Variants in EDNRB observed in about 807,000 individuals in gnomAD.
EDNRB encodes Hirschsprung disease 2.
Under a neutral mutation model 46.4 loss-of-function variants are expected in EDNRB, and 18 were observed. The observed-to-expected ratio is 0.39, with a 90% CI of 0.27 to 0.57. The LOEUF (loss-of-function observed/expected upper bound fraction) is 0.57, where lower values mean the gene tolerates loss of function less well. Among genes scored for constraint, EDNRB ranks in the 20% least tolerant of loss-of-function variants. The pLI is 0.61. For missense variants in EDNRB, 434 were observed against 537.5 expected (o/e 0.81, Z 1.90); for synonymous variants, 213 against 204.9 (o/e 1.04, Z -0.34).
At chr13:77,946,180 T>C (rs149414485) in intron 1 of EDNRB, among the ~76,000 whole-genome samples, 1 of 152,338 alleles carries the variant, frequency 6.6e-6, no homozygotes, top group African/African-American at 2.4e-5. Context: ...CACACCTGTT[T>C]CTCTATAGAA....
At chr13:77,916,135 TG>T (rs1382323932) in intron 1 of EDNRB, among the ~76,000 whole-genome samples, 4 of 152,194 alleles carry the variant, frequency 2.6e-5, no homozygotes, top group African/African-American at 9.7e-5. Context: ...GGTTTCTAAC[TG>T]GGCTGGACAT....
chr13:77,931,162 T>A (rs1301725583), intron 1 of EDNRB, among the ~76,000 whole-genome samples: 1 of 152,198 alleles, frequency 6.6e-6, no homozygotes, highest in Non-Finnish European at 1.5e-5. Context: ...TCTATTTTTT[T>A]AATAATACAT....
At position 77,918,045 on chromosome 13, in the gene EDNRB, G is replaced by C. The variant is rs1879896728; in HGVS notation, c.483+46C>G. The C allele has an allele frequency of 6.2e-7, 1 of 1,612,868 alleles. No individual in the cohort carries two copies. Among genetic ancestry groups the C allele is most frequent in the South Asian group, 1.1e-5 (1 of 90,982 alleles). The stretch of plus-strand genomic sequence containing the variant: ...TTTCTCATCTCCCCGTCTCCAACCA[G>C]GCCCCCTTCCTCAAGCCCACCATGA... On this transcript the variant is annotated intron_variant, in intron 1 of 6. Coordinates refer to ENST00000646607, the MANE Select transcript of EDNRB (RefSeq NM_001122659.3). This position sits in a 1 kb window ranked among gnomAD's most constrained non-coding sequence, Gnocchi z 4.5.
At chr13:77,945,195 AC>A (rs1880870235) in intron 1 of EDNRB, among the ~76,000 whole-genome samples, 1 of 152,154 alleles carries the variant, frequency 6.6e-6, no homozygotes, top group Non-Finnish European at 1.5e-5. Flanking sequence ...ATGTTTTGGT[AC>A]TGCTGATTTT....
At chr13:77,906,526 C>T (rs1879289168) in intron 1 of EDNRB, among the ~76,000 whole-genome samples, 1 of 152,024 alleles carries the variant, frequency 6.6e-6, no homozygotes, top group African/African-American at 2.4e-5. Context: ...CTTCCTCTCT[C>T]TTGGAACACT....
chr13:77,929,078 T>C (rs1042480621), intron 1 of EDNRB, among the ~76,000 whole-genome samples: 1 of 152,200 alleles, frequency 6.6e-6, no homozygotes, highest in Non-Finnish European at 1.5e-5. Flanking sequence ...GGTTAGTGAT[T>C]CATTTCCTGT....
At chr13:77,954,188 T>G (rs1443049038) in intron 1 of EDNRB, among the ~76,000 whole-genome samples, 1 of 152,186 alleles carries the variant, frequency 6.6e-6, no homozygotes, top group Non-Finnish European at 1.5e-5. Context: ...ATAAGACCTT[T>G]TGTTAGTCAT....
chr13:77,935,627 C>T (rs1163619228), intron 1 of EDNRB, among the ~76,000 whole-genome samples: 1 of 152,058 alleles, frequency 6.6e-6, no homozygotes, highest in African/African-American at 2.4e-5. Context: ...AGAATTACGC[C>T]AAAACAGGTA....
intron 1 of EDNRB, among the ~76,000 whole-genome samples, chr13:77,908,420 T>A (rs1879399017): frequency 2.0e-5 from 1 of 51,264 alleles, no homozygotes; most frequent in African/African-American, 6.9e-5. Flanking sequence ...AACTATGAAG[T>A]TTTGCCAAAA....
Position 77,898,079 on chromosome 13 carries a change from T to C in EDNRB, c.*121A>G. 2 of 1,496,864 alleles carry C rather than the reference T, an allele frequency of 1.3e-6. No individual in the cohort carries two copies. The highest frequency in any genetic ancestry group is 2.2e-4 in the Middle Eastern group (1 of 4,452). The allele number at this position is 1,496,864 out of a possible 1,614,324, so 92.7% of individuals were successfully genotyped here. On this transcript the variant is annotated 3_prime_UTR_variant, in exon 7 of 7. Transcript: ENST00000646607. ...TGAGTGTTAAAATAATTACACTTAA[T>C]ATTTTAATAGTGTGCTGTGCAAATA...
chr13:77,973,112 T>C (rs544199377), intron 1 of EDNRB, among the ~76,000 whole-genome samples: 1 of 152,302 alleles, frequency 6.6e-6, no homozygotes, highest in African/African-American at 2.4e-5. Context: ...TTTTAAGAAA[T>C]TGACCATTTG....
chr13:77,935,880 C>T (rs1479301630), intron 1 of EDNRB, among the ~76,000 whole-genome samples: 1 of 152,068 alleles, frequency 6.6e-6, no homozygotes, highest in Non-Finnish European at 1.5e-5. Flanking sequence ...GGTTTGGCAC[C>T]ATGGGGTGGA....
chr13:77,961,156 T>G (rs1881398578), intron 1 of EDNRB, among the ~76,000 whole-genome samples: 2 of 152,170 alleles, frequency 1.3e-5, no homozygotes, highest in South Asian at 4.1e-4. Context: ...TTAACAAGGA[T>G]ACCCAGGAAT....
At chr13:77,969,186 A>C (rs1881659715) in intron 1 of EDNRB, among the ~76,000 whole-genome samples, 1 of 152,204 alleles carries the variant, frequency 6.6e-6, no homozygotes, top group Non-Finnish European at 1.5e-5. Flanking sequence ...ATTAAATTTT[A>C]TTAAGCATTT....
upstream of EDNRB, chr13:77,919,577 C>A (rs138247915): frequency 1.4e-3 from 2,217 of 1,611,842 alleles, 24 homozygotes; most frequent in African/African-American, 0.026. Flanking sequence ...ACCGTTTGCT[C>A]GGGGTCTCTG....
chr13:77,904,360 C>T (rs1879166287), intron 1 of EDNRB, among the ~76,000 whole-genome samples: 1 of 152,074 alleles, frequency 6.6e-6, no homozygotes, highest in African/African-American at 2.4e-5. Context: ...CATAGTCTAT[C>T]AATTCCTGTG....
At chr13:77,950,928 G>A (rs1881072951) in intron 1 of EDNRB, among the ~76,000 whole-genome samples, 1 of 152,186 alleles carries the variant, frequency 6.6e-6, no homozygotes, top group Non-Finnish European at 1.5e-5. Context: ...TGAAAGAAAA[G>A]TTCCAAACCT....
At chr13:77,964,127 G>C (rs1044820142) in intron 1 of EDNRB, among the ~76,000 whole-genome samples, 2 of 152,186 alleles carry the variant, frequency 1.3e-5, no homozygotes, top group Non-Finnish European at 2.9e-5. Flanking sequence ...AACAACAGGT[G>C]CTGGAGAGGA....
At chr13:77,920,305 ACC>A (rs1377426437), upstream of EDNRB, among the ~76,000 whole-genome samples, 3 of 152,198 alleles carry the variant, frequency 2.0e-5, no homozygotes, top group Non-Finnish European at 4.4e-5. Flanking sequence ...CTCCATGTTT[ACC>A]GCAGAGAGGA....
Sources: allele counts gnomAD v4.1 joint callset (sites outside exome capture counted in the v4.1 genomes callset), GRCh38; gene constraint gnomAD v4.1.1; non-coding constraint Gnocchi (gnomAD v3.1); transcripts MANE v1.5; gene names NCBI Gene and HGNC (gene_info 2026-07-23, HGNC 2026-07-21).